Variants in KCNIP4 observed in about 807,000 individuals in gnomAD.
KCNIP4 encodes the protein potassium voltage-gated channel interacting protein 4.
Under a neutral mutation model 34.0 loss-of-function variants are expected in KCNIP4, and 12 were observed. That is an observed-to-expected ratio of 0.35 (90% CI 0.23 to 0.57). The LOEUF (loss-of-function observed/expected upper bound fraction) is 0.57, where lower values mean the gene tolerates loss of function less well. Among genes scored for constraint, KCNIP4 ranks in the 20% least tolerant of loss-of-function variants. The pLI, the probability that KCNIP4 is intolerant of heterozygous loss-of-function variation, is 0.83. For missense variants in KCNIP4, 238 were observed against 311.7 expected, an observed-to-expected ratio of 0.76 and a Z score of 1.78; for synonymous variants, 124 against 102.2, an observed-to-expected ratio of 1.21 and a Z score of -1.29.
chr4:21,541,362 T>C (rs1328966630), intron 1 of KCNIP4, among the ~76,000 whole-genome samples: 7 of 152,154 alleles, frequency 4.6e-5, no homozygotes, highest in African/African-American at 1.7e-4. Context: ...ATTCCTATGC[T>C]GATAAACCTA....
At chr4:21,730,958 C>T (rs775705138) in intron 1 of KCNIP4, among the ~76,000 whole-genome samples, 6 of 151,748 alleles carry the variant, frequency 4.0e-5, no homozygotes, top group Non-Finnish European at 8.8e-5. Flanking sequence ...ATAAAAAATA[C>T]AAAAAATTAG....
At chr4:21,698,968 A>T (rs1428210381) in intron 1 of KCNIP4, among the ~76,000 whole-genome samples, 1 of 152,212 alleles carries the variant, frequency 6.6e-6, no homozygotes, top group Non-Finnish European at 1.5e-5. Context: ...CAAAGCATGC[A>T]TTCTAGGAAT....
At chr4:21,473,513 C>T (rs776934238) in intron 1 of KCNIP4, among the ~76,000 whole-genome samples, 37 of 152,102 alleles carry the variant, frequency 2.4e-4, no homozygotes, top group Non-Finnish European at 4.6e-4. Context: ...AAGACAGAAT[C>T]AGATCTCCAT....
intron 3 of KCNIP4, among the ~76,000 whole-genome samples, chr4:20,838,782 A>G (rs2149468222): frequency 6.6e-6 from 1 of 152,304 alleles, no homozygotes; most frequent in African/African-American, 2.4e-5. Flanking sequence ...CAAACCAACT[A>G]TGACTTGAAA....
At chr4:21,211,828 A>T (rs1286542972) in intron 1 of KCNIP4, among the ~76,000 whole-genome samples, 1 of 151,916 alleles carries the variant, frequency 6.6e-6, no homozygotes, top group Non-Finnish European at 1.5e-5. Flanking sequence ...ACTTGCCCAA[A>T]TCAGGGCATA....
At chr4:21,624,360 G>A (rs1745184947) in intron 1 of KCNIP4, among the ~76,000 whole-genome samples, 1 of 152,066 alleles carries the variant, frequency 6.6e-6, no homozygotes, top group South Asian at 2.1e-4. Context: ...AGAAACTACA[G>A]TATTACCAGT....
chr4:21,404,923 C>T (rs960107802), intron 1 of KCNIP4, among the ~76,000 whole-genome samples: 1 of 152,130 alleles, frequency 6.6e-6, no homozygotes, highest in Non-Finnish European at 1.5e-5. Flanking sequence ...CTTGACCAAA[C>T]TTTAGTCAGG....
At chr4:20,883,212 C>T (rs752904303) in intron 1 of KCNIP4, among the ~76,000 whole-genome samples, 9 of 152,104 alleles carry the variant, frequency 5.9e-5, no homozygotes, top group Non-Finnish European at 8.8e-5. Flanking sequence ...AGTACCTTTG[C>T]CTTCCTGAAA....
At chr4:20,782,480 G>A (rs182117269) in intron 3 of KCNIP4, among the ~76,000 whole-genome samples, 38 of 152,274 alleles carry the variant, frequency 2.5e-4, no homozygotes, top group African/African-American at 8.4e-4. Context: ...TCTAGACAGA[G>A]GTTCCCAAAC....
Position 20,761,924 on chromosome 4 carries a change from T to C in KCNIP4, c.289-3034A>G, listed in dbSNP as rs568040105. Among the ~76,000 whole-genome samples the C allele has an allele frequency of 1.4e-4, 22 of 152,286 alleles. No homozygotes were observed. The South Asian group carries it at 4.3e-3, about 30-fold the overall frequency. On this transcript the variant is annotated intron_variant, in intron 3 of 8. Coordinates refer to ENST00000382152, the MANE Select transcript of KCNIP4 (RefSeq NM_025221.6). ...TACATCTCTACAAACACATACTGTA[T>C]GCCTATTATTCCAGGAGTCTTCTAG...
intron 1 of KCNIP4, among the ~76,000 whole-genome samples, chr4:21,784,458 T>TA (rs1719771777): frequency 6.6e-6 from 1 of 152,196 alleles, no homozygotes; most frequent in Admixed American, 6.5e-5. Flanking sequence ...AATCACATTT[T>TA]AAAGAAAAAC....
chr4:21,618,286 G>C (rs1163027877), intron 1 of KCNIP4, among the ~76,000 whole-genome samples: 7 of 152,028 alleles, frequency 4.6e-5, no homozygotes, highest in Admixed American at 4.6e-4. Context: ...AGATACTACT[G>C]TCCGGAACAA....
In KCNIP4 at chr4:20,819,179, C is replaced by T. The variant is rs531208863; in HGVS notation, c.288+31364G>A. Among the ~76,000 whole-genome samples the T allele has an allele frequency of 7.2e-5, 11 of 152,090 alleles. 1 individual carries two copies. The highest frequency in any genetic ancestry group is 2.0e-4 in the Admixed American group (3 of 15,252). On this transcript the variant is annotated intron_variant, in intron 3 of 8. Transcript: ENST00000382152. ...CTGGCCTTATGTTATCTCACTTAAT[C>T]CTCACAAAGAACTTATGATATACAC...
At chr4:21,607,885 T>C (rs1743840812) in intron 1 of KCNIP4, among the ~76,000 whole-genome samples, 1 of 152,122 alleles carries the variant, frequency 6.6e-6, no homozygotes, top group Admixed American at 6.5e-5. Context: ...GCTATTTCCA[T>C]TGTTCCACAA....
At chr4:21,757,066 A>G (rs1717580146) in intron 1 of KCNIP4, among the ~76,000 whole-genome samples, 1 of 149,826 alleles carries the variant, frequency 6.7e-6, no homozygotes, top group Non-Finnish European at 1.5e-5. Flanking sequence ...CAGCCACTGC[A>G]CTCCAGCCTG....
At chr4:21,084,962 C>T (rs1746292303) in intron 1 of KCNIP4, among the ~76,000 whole-genome samples, 1 of 149,854 alleles carries the variant, frequency 6.7e-6, no homozygotes, top group East Asian at 1.9e-4. Flanking sequence ...ATTATACACA[C>T]TCATATTACA....
At chr4:21,396,549 CAAAAAA>C (rs555585102) in intron 1 of KCNIP4, among the ~76,000 whole-genome samples, 1 of 52,790 alleles carries the variant, frequency 1.9e-5, no homozygotes, top group Non-Finnish European at 3.9e-5. Context: ...AGCAAGACTC[CAAAAAA>C]AAAAAAAAAA....
At chr4:21,261,715 A>T (rs1041210075) in intron 1 of KCNIP4, among the ~76,000 whole-genome samples, 3 of 152,118 alleles carry the variant, frequency 2.0e-5, no homozygotes, top group Non-Finnish European at 1.5e-5. Flanking sequence ...ATTAAGTCCT[A>T]TTGGCTCTAC....
rs371807597 is a variant in KCNIP4 at position 21,112,026 on chromosome 4, T to TATCCATCTATCC, written c.62-229318_62-229317insGGATAGATGGAT. On this transcript the variant is annotated intron_variant, in intron 1 of 8. Transcript: ENST00000382152. ...CAACAACAAATCTATCCTTTCTCTG[T>TATCCATCTATCC]ATCTATCTATCTATCTATCTATCTA... 3.7e-3 allele frequency among the ~76,000 whole-genome samples: 311 copies of TATCCATCTATCC among 83,038 alleles called. 3 individuals carry two copies. Among genetic ancestry groups the TATCCATCTATCC allele is most frequent in the Non-Finnish European group, 1.6e-3 (52 of 32,624 alleles). 54.5% of individuals were successfully genotyped at this position (83,038 alleles called of 152,430 possible). A position where few individuals can be genotyped will look rare whatever the true frequency, so the allele number is the denominator to read the frequency against.
Sources: allele counts gnomAD v4.1 joint callset (sites outside exome capture counted in the v4.1 genomes callset), GRCh38; gene constraint gnomAD v4.1.1; transcripts MANE v1.5; gene names NCBI Gene and HGNC (gene_info 2026-07-23, HGNC 2026-07-21).